MPP1: variants seen among roughly 807,000 people sequenced by gnomAD.
The protein encoded by MPP1 is MAGUK p55 scaffold protein 1.
MPP1 carries 6 observed loss-of-function variants against 38.2 expected under a neutral mutation model. The ratio of observed to expected loss-of-function variants is 0.16; its 90% CI spans 0.09 to 0.31. MPP1 has a LOEUF of 0.31. Ranked by LOEUF, MPP1 falls within the 10% of genes least tolerant of loss-of-function variation. The pLI, the probability that MPP1 is intolerant of heterozygous loss-of-function variation, is 1.00. For synonymous variants in MPP1, 153 were observed against 146.3 expected, an observed-to-expected ratio of 1.05 and a Z score of -0.33; for missense variants, 293 against 368.9, an observed-to-expected ratio of 0.79 and a Z score of 1.69.
intron 1 of MPP1, among the ~76,000 whole-genome samples, chrX:154,803,942 T>A (rs1175150706): frequency 8.9e-6 from 1 of 112,345 alleles, no homozygotes; most frequent in Admixed American, 9.4e-5. Flanking sequence ...GGGAATCAGG[T>A]AACAGAACTT....
At chrX:154,786,430 G>A (rs782010425) in intron 5 of MPP1, 30 bp from the exon 6 acceptor site, 12 of 1,171,550 alleles carry the variant, frequency 1.0e-5, no homozygotes, top group Admixed American at 6.8e-5. Context: ...AACTGCAGGC[G>A]GCAGCTTCAA....
intron 7 of MPP1, chrX:154,784,831 T>C (rs1319860806): frequency 6.3e-6 from 3 of 473,137 alleles, no homozygotes; most frequent in Non-Finnish European, 1.2e-5. Flanking sequence ...GATGAGCAGG[T>C]GTGGGCTCAC....
chrX:154,786,121 C>A (rs782698293), intron 6 of MPP1, 83 bp downstream of exon 6: 239 of 936,432 alleles, frequency 2.6e-4, no homozygotes, highest in Non-Finnish European at 3.4e-4. Context: ...GAAACAGAAA[C>A]TACAAACAAA....
At chrX:154,790,445 C>T (rs1035584214) in intron 4 of MPP1, among the ~76,000 whole-genome samples, 34 of 107,403 alleles carry the variant, frequency 3.2e-4, no homozygotes, top group African/African-American at 1.1e-3. Flanking sequence ...GCAGGAGAAT[C>T]GCTTGAACCC....
Position 154,786,262 on chromosome X carries a change from C to T in MPP1, c.619G>A (p.Val207Met). 8.3e-7 allele frequency: 1 copy of T among 1,211,777 alleles called. No homozygotes were observed. Residue 207 changes from valine (V) to methionine (M), a missense_variant, in exon 6 of 12, where the codon GTG becomes ATG. Coordinates refer to ENST00000369534, the MANE Select transcript of MPP1 (RefSeq NM_002436.4). Reference protein sequence around the residue: ...KDDSNWWQGRVEGSSKESAGL... With the variant: ...KDDSNWWQGRMEGSSKESAGL... Reference sequence around the variant, plus strand: ...GCTGACTCCTTGGAGGAGCCTTCCACCCGTCCCTGCCACCAATTGCTGTCA... The same window carrying T: ...GCTGACTCCTTGGAGGAGCCTTCCATCCGTCCCTGCCACCAATTGCTGTCA...
chrX:154,805,280 G>C lies in MPP1; in HGVS notation c.94C>G (p.Arg32Gly), dbSNP rs1012422445. The change falls in exon 1 of 12, where the codon CGG (arginine) becomes GGG (glycine). Residue 32 changes from arginine (R) to glycine (G), a missense_variant. Coordinates refer to ENST00000369534, the MANE Select transcript of MPP1 (RefSeq NM_002436.4). Reference sequence around the variant, plus strand: ...TAGCGGGGCCCGCTCACCTCTGGCCGACTACGCTTCTGCAGCAAATGCTCC... The same window carrying C: ...TAGCGGGGCCCGCTCACCTCTGGCCCACTACGCTTCTGCAGCAAATGCTCC... ...YLEHLLQKRS[R>G]PEAVSHPLNT... is the part of the protein sequence containing the mutation. 3.3e-6 allele frequency: 4 copies of C among 1,203,771 alleles called. No individual in the cohort carries two copies. Among genetic ancestry groups the C allele is most frequent in the Non-Finnish European group, 4.5e-6 (4 of 891,051 alleles).
Position 154,805,398 on chromosome X carries a change from C to G in MPP1, c.-25G>C. 8.6e-7 allele frequency: 1 copy of G among 1,164,384 alleles called. No homozygotes were observed. The highest frequency in any genetic ancestry group is 1.2e-6 in the Non-Finnish European group (1 of 863,807). On this transcript the variant is annotated 5_prime_UTR_variant, in exon 1 of 12. Coordinates refer to ENST00000369534, the MANE Select transcript of MPP1 (RefSeq NM_002436.4). ...TCTCGCAGAAGCTGGAACACTGGAA[C>G]GCAAGACAGGGCAGCGCTGGGAATG...
At chrX:154,798,803 C>T (rs186520064) in intron 1 of MPP1, among the ~76,000 whole-genome samples, 5 of 111,538 alleles carry the variant, frequency 4.5e-5, no homozygotes, top group East Asian at 5.6e-4. Context: ...GGCACGATCT[C>T]GGCTCACCAC....
intron 1 of MPP1, among the ~76,000 whole-genome samples, chrX:154,794,435 T>G (rs1314396383): frequency 9.0e-6 from 1 of 111,057 alleles, no homozygotes; most frequent in African/African-American, 3.3e-5. Flanking sequence ...AGATAAAATA[T>G]TAAATCAAAA....
chrX:154,785,308 G>A (rs1247431526), intron 6 of MPP1, 151 bp from the exon 7 acceptor site: 1 of 459,582 alleles, frequency 2.2e-6, no homozygotes, highest in Non-Finnish European at 3.6e-6. Flanking sequence ...ACACTGTTTG[G>A]TGCATCTTGC....
At chrX:154,800,276 T>C (rs987923688) in intron 1 of MPP1, among the ~76,000 whole-genome samples, 3 of 112,430 alleles carry the variant, frequency 2.7e-5, no homozygotes, top group African/African-American at 9.7e-5. Context: ...TAACCACAAA[T>C]GACAGGAACT....
At chrX:154,784,859 A>G (rs2072050624) in intron 7 of MPP1, 192 bp downstream of exon 7, 2 of 496,697 alleles carry the variant, frequency 4.0e-6, no homozygotes, top group Non-Finnish European at 7.2e-6. Context: ...CCTCCTTTAC[A>G]TCCACTGGCC....
intron 4 of MPP1, among the ~76,000 whole-genome samples, chrX:154,790,624 C>T (rs1395549050): frequency 9.0e-6 from 1 of 111,232 alleles, no homozygotes; most frequent in Admixed American, 9.5e-5. Flanking sequence ...TATATATCCA[C>T]GCCTTTCCCC....
chrX:154,799,466 T>C (rs1446088881), intron 1 of MPP1, among the ~76,000 whole-genome samples: 1 of 112,492 alleles, frequency 8.9e-6, no homozygotes, highest in Admixed American at 9.4e-5. Flanking sequence ...TCCTCATTAC[T>C]GACACATCAT....
At position 154,790,035 on chromosome X, in the gene MPP1, A is replaced by T. The variant is rs782093124; in HGVS notation, c.412-13T>A. 9.0e-7 allele frequency: 1 copy of T among 1,115,898 alleles called. No homozygotes were observed. Among genetic ancestry groups the T allele is most frequent in the East Asian group, 3.0e-5 (1 of 32,933 alleles). 92.0% of individuals were successfully genotyped at this position (1,115,898 alleles called of 1,213,427 possible). A position where few individuals can be genotyped will look rare whatever the true frequency, so the allele number is the denominator to read the frequency against. ...CTTTGGTTTCTTTCTATTAAAAAAA[A>T]TGGACATAAAATTGTACAGAAAACT... On this transcript the variant is annotated splice_polypyrimidine_tract_variant and intron_variant, in intron 4 of 11. Coordinates refer to ENST00000369534, the MANE Select transcript of MPP1 (RefSeq NM_002436.4).
At chrX:154,785,022 C>A (rs2072053338) in intron 7 of MPP1, 29 bp downstream of exon 7, 2 of 1,181,840 alleles carry the variant, frequency 1.7e-6, no homozygotes, top group African/African-American at 3.5e-5. Flanking sequence ...CTGCCAGGAA[C>A]CTGGGGCAAG....
intron 5 of MPP1, 50 bp downstream of exon 5, chrX:154,789,904 C>T (rs782751764): frequency 6.4e-5 from 58 of 908,541 alleles, no homozygotes; most frequent in Admixed American, 1.5e-4. Flanking sequence ...TATAAGACAA[C>T]ATGGCCCGAC....
intron 1 of MPP1, among the ~76,000 whole-genome samples, chrX:154,797,787 A>G (rs1477725171): frequency 8.9e-6 from 1 of 112,264 alleles, no homozygotes; most frequent in Admixed American, 9.4e-5. Flanking sequence ...CAAAATGAAA[A>G]ACTCTTGTTC....
chrX:154,789,217 C>T (rs1214953946), intron 5 of MPP1, among the ~76,000 whole-genome samples: 1 of 112,143 alleles, frequency 8.9e-6, no homozygotes, highest in Non-Finnish European at 1.9e-5. Context: ...ATAGAAACTT[C>T]AGATTTATTC....
Sources: allele counts gnomAD v4.1 joint callset (sites outside exome capture counted in the v4.1 genomes callset), GRCh38; gene constraint gnomAD v4.1.1; transcripts MANE v1.5; gene names NCBI Gene and HGNC (gene_info 2026-07-23, HGNC 2026-07-21).